The following C1GALT1 variants were observed in gnomAD, a reference collection of about 807,000 sequenced individuals.
C1GALT1 encodes the protein glycoprotein-N-acetylgalactosamine 3-beta-galactosyltransferase 1.
A neutral mutation model predicts 31.0 loss-of-function variants in C1GALT1; 11 were observed. That is an observed-to-expected ratio of 0.36 (90% CI 0.22 to 0.59). The LOEUF (loss-of-function observed/expected upper bound fraction) is 0.59. C1GALT1 is among the 20% of genes least tolerant of loss of function. The probability of loss-of-function intolerance (pLI) is 0.79; values close to 1 mark genes in which losing one functional copy is unlikely to be tolerated. For missense variants in C1GALT1, 424 were observed against 425.2 expected (o/e 1.00, Z 0.03); for synonymous variants, 175 against 143.6 (o/e 1.22, Z -1.56).
intron 2 of C1GALT1, among the ~76,000 whole-genome samples, chr7:7,164,265 T>C (rs997695487): frequency 3.3e-5 from 5 of 152,244 alleles, no homozygotes; most frequent in Non-Finnish European, 5.9e-5. Context: ...GCTAGCCATA[T>C]GTAGAAAGCT....
At chr7:7,181,608 ATT>A (rs1780589814), upstream of C1GALT1, among the ~76,000 whole-genome samples, 1 of 151,794 alleles carries the variant, frequency 6.6e-6, no homozygotes, top group South Asian at 2.1e-4. Context: ...GTATATTATT[ATT>A]TGTCTCAGGC....
chr7:7,207,767 C>T (rs1781814644), intron 1 of C1GALT1, among the ~76,000 whole-genome samples: 1 of 149,518 alleles, frequency 6.7e-6, no homozygotes, highest in Non-Finnish European at 1.5e-5. Flanking sequence ...GTATCCCTTC[C>T]TCAGGGTGTG....
chr7:7,229,742 C>T (rs1190590685), intron 1 of C1GALT1, among the ~76,000 whole-genome samples: 1 of 152,078 alleles, frequency 6.6e-6, no homozygotes, highest in Non-Finnish European at 1.5e-5. Context: ...TAACGGCCAA[C>T]CTGAATGAGG....
chr7:7,202,490 C>G (rs1781565693), intron 1 of C1GALT1, among the ~76,000 whole-genome samples: 1 of 152,116 alleles, frequency 6.6e-6, no homozygotes, highest in Non-Finnish European at 1.5e-5. Flanking sequence ...TGTCCTTTTC[C>G]CATTGAATGG....
Position 7,243,742 on chromosome 7 carries a change from T to A in C1GALT1, c.*15T>A, listed in dbSNP as rs541042133. The A allele has an allele frequency of 6.4e-7, 1 of 1,563,440 alleles. No individual in the cohort carries two copies. The highest frequency in any genetic ancestry group is 1.2e-5 in the South Asian group (1 of 86,604). On this transcript the variant is annotated 3_prime_UTR_variant, in exon 4 of 4. Coordinates refer to ENST00000436587, the MANE Select transcript of C1GALT1 (RefSeq NM_020156.5). ...GAAATCCTTGAAAGAAAATCATGAA[T>A]GAACAAAGGTAATATGTCTAGCACT...
At chr7:7,190,464 CAT>C (rs1781019506) in intron 1 of C1GALT1, among the ~76,000 whole-genome samples, 1 of 152,088 alleles carries the variant, frequency 6.6e-6, no homozygotes, top group African/African-American at 2.4e-5. Context: ...TTTCAAATAA[CAT>C]AGTTTCTGAC....
intron 1 of C1GALT1, among the ~76,000 whole-genome samples, chr7:7,194,200 C>G (rs889600194): frequency 6.6e-6 from 1 of 152,056 alleles, no homozygotes; most frequent in African/African-American, 2.4e-5. Flanking sequence ...GCTAGGACTT[C>G]CAGTACTATG....
chr7:7,227,153 T>A (rs967288731), intron 1 of C1GALT1, among the ~76,000 whole-genome samples: 4 of 152,180 alleles, frequency 2.6e-5, no homozygotes, highest in African/African-American at 9.7e-5. Flanking sequence ...ATTCCTTTAT[T>A]TCCTATAAAT....
At chr7:7,233,360 T>G (rs1172081006) in intron 1 of C1GALT1, among the ~76,000 whole-genome samples, 1 of 152,016 alleles carries the variant, frequency 6.6e-6, no homozygotes, top group African/African-American at 2.4e-5. Flanking sequence ...GCCTTCTGAG[T>G]TCAAGTGATT....
intron 1 of C1GALT1, among the ~76,000 whole-genome samples, chr7:7,215,417 C>T (rs551832430): frequency 2.6e-5 from 4 of 152,112 alleles, no homozygotes; most frequent in South Asian, 2.1e-4. Flanking sequence ...GCCAAAAGCC[C>T]GACTGGTAAG....
intron 1 of C1GALT1, among the ~76,000 whole-genome samples, chr7:7,183,395 G>C (rs1034083489): frequency 1.3e-5 from 2 of 152,218 alleles, no homozygotes; most frequent in Admixed American, 6.5e-5. Flanking sequence ...TGGATCATCA[G>C]GTTTGTCTGT....
chr7:7,169,441 C>T (rs1293340056), intron 2 of C1GALT1, among the ~76,000 whole-genome samples: 1 of 152,166 alleles, frequency 6.6e-6, no homozygotes, highest in Non-Finnish European at 1.5e-5. Context: ...ATGCTGGTTT[C>T]CACAGTGGTT....
intron 2 of C1GALT1, among the ~76,000 whole-genome samples, chr7:7,160,599 C>A (rs1013558313): frequency 6.6e-6 from 1 of 152,040 alleles, no homozygotes; most frequent in Non-Finnish European, 1.5e-5. Context: ...GTCTGCTAAC[C>A]TAAATCCATT....
chr7:7,233,119 A>G (rs1783165697), intron 1 of C1GALT1, among the ~76,000 whole-genome samples: 1 of 152,150 alleles, frequency 6.6e-6, no homozygotes, highest in African/African-American at 2.4e-5. Flanking sequence ...ATTGTTAACA[A>G]AAGCTTAAAA....
intron 1 of C1GALT1, among the ~76,000 whole-genome samples, chr7:7,217,951 C>T (rs1030069660): frequency 6.6e-5 from 10 of 152,076 alleles, no homozygotes; most frequent in African/African-American, 2.2e-4. Context: ...GCAAGCTGAG[C>T]GGTATGTTAG....
chr7:7,215,798 A>G (rs1782208927), intron 1 of C1GALT1, among the ~76,000 whole-genome samples: 1 of 152,078 alleles, frequency 6.6e-6, no homozygotes, highest in Non-Finnish European at 1.5e-5. Flanking sequence ...TAGCAGCAAC[A>G]TAACATCCTC....
At chr7:7,224,604 A>T (rs1381960283) in intron 1 of C1GALT1, among the ~76,000 whole-genome samples, 3 of 152,084 alleles carry the variant, frequency 2.0e-5, no homozygotes, top group Non-Finnish European at 4.4e-5. Context: ...ATTTCATCTA[A>T]CTTGTCAAAT....
intron 1 of C1GALT1, among the ~76,000 whole-genome samples, chr7:7,205,851 C>G (rs572538015): frequency 6.6e-6 from 1 of 152,202 alleles, no homozygotes; most frequent in Admixed American, 6.5e-5. Context: ...TGATGTTTAT[C>G]AATTCTGCAA....
At chr7:7,159,419 A>T (rs1780310383) in intron 2 of C1GALT1, among the ~76,000 whole-genome samples, 1 of 152,142 alleles carries the variant, frequency 6.6e-6, no homozygotes, top group Admixed American at 6.6e-5. Flanking sequence ...AAGGAAAGAA[A>T]GAAAACAGGA....
Sources: gnomAD v4.1 joint callset for allele counts (sites outside exome capture counted in the v4.1 genomes callset) on GRCh38, gnomAD v4.1.1 for gene constraint, MANE v1.5 for transcripts, NCBI Gene and HGNC (gene_info 2026-07-23, HGNC 2026-07-21) for gene names.